The following ATP9B variants were observed in gnomAD, a reference collection of about 807,000 sequenced individuals.
The protein encoded by ATP9B is probable phospholipid-transporting ATPase IIB.
Under a neutral mutation model 146.1 loss-of-function variants are expected in ATP9B, and 110 were observed. The observed-to-expected ratio is 0.75, with a 90% CI of 0.65 to 0.88. The LOEUF (loss-of-function observed/expected upper bound fraction) is 0.88, where lower values mean the gene tolerates loss of function less well. Ranked by LOEUF, ATP9B falls within the 40% of genes least tolerant of loss-of-function variation. ATP9B has a pLI of 0.00. For synonymous variants in ATP9B, 604 were observed against 569.7 expected, an observed-to-expected ratio of 1.06 and a Z score of -0.86; for missense variants, 1,499 against 1,496.4, an observed-to-expected ratio of 1.00 and a Z score of -0.03.
At chr18:79,122,489 A>G (rs1440158020) in intron 4 of ATP9B, among the ~76,000 whole-genome samples, 1 of 152,194 alleles carries the variant, frequency 6.6e-6, no homozygotes, top group Non-Finnish European at 1.5e-5. Flanking sequence ...AACCAGTGAC[A>G]TCTTTGAATC....
intron 13 of ATP9B, among the ~76,000 whole-genome samples, chr18:79,285,264 A>G (rs1303557838): frequency 2.0e-5 from 3 of 151,738 alleles, no homozygotes; most frequent in African/African-American, 4.8e-5. Context: ...CTATTTCTCC[A>G]CATCCTCTCC....
At chr18:79,144,823 T>C (rs1006979386) in intron 6 of ATP9B, 1 of 152,852 alleles carries the variant, frequency 6.5e-6, no homozygotes, top group Non-Finnish European at 1.5e-5. Flanking sequence ...GAGGGCCAGC[T>C]GTAGTTATAT....
At chr18:79,246,338 A>T (rs373737260) in intron 11 of ATP9B, among the ~76,000 whole-genome samples, 1,812 of 119,848 alleles carry the variant, frequency 0.015, 22 homozygotes, top group African/African-American at 0.05. Flanking sequence ...CGCCCTACTG[A>T]CTGTGCGGAG....
intron 2 of ATP9B, among the ~76,000 whole-genome samples, chr18:79,097,868 T>C (rs899178466): frequency 2.1e-4 from 31 of 150,066 alleles, no homozygotes; most frequent in Admixed American, 5.3e-4. Flanking sequence ...GCAGCATGAT[T>C]TATAGTCATT....
chr18:79,217,568 T>A (rs1176534802), intron 11 of ATP9B, among the ~76,000 whole-genome samples: 2 of 152,230 alleles, frequency 1.3e-5, no homozygotes, highest in Non-Finnish European at 2.9e-5. Context: ...TGTTAAATGC[T>A]AGTTTTACAA....
chr18:79,242,339 G>T (rs562431839), intron 11 of ATP9B, among the ~76,000 whole-genome samples: 238 of 152,310 alleles, frequency 1.6e-3, no homozygotes, highest in Non-Finnish European at 2.9e-3. Context: ...AGAACAAGAA[G>T]AATATCCTGA....
chr18:79,321,534 C>T (rs985231054), intron 15 of ATP9B, among the ~76,000 whole-genome samples: 4 of 152,124 alleles, frequency 2.6e-5, no homozygotes, highest in Non-Finnish European at 5.9e-5. Flanking sequence ...AGGCATGTGC[C>T]CACCACTCCT....
In ATP9B at chr18:79,289,679, A is replaced by G. The variant is rs183511072; in HGVS notation, c.1411+12483A>G. ...CGGAACTGTGTTCCTTTGGAGGAGG[A>G]GAGGCGCTCTGCTTTTTAGAGTTTG... On this transcript the variant is annotated intron_variant, in intron 13 of 29. Coordinates refer to ENST00000426216, the MANE Select transcript of ATP9B (RefSeq NM_198531.5). Among the ~76,000 whole-genome samples, 167 of 152,260 alleles carry G rather than the reference A, an allele frequency of 1.1e-3. 2 individuals are homozygous for G. The highest frequency in any genetic ancestry group is 3.8e-3 in the African/African-American group (156 of 41,552).
intron 5 of ATP9B, among the ~76,000 whole-genome samples, chr18:79,136,610 C>G (rs1028609004): frequency 6.6e-6 from 1 of 152,134 alleles, no homozygotes; most frequent in Admixed American, 6.6e-5. Context: ...GTGACACATT[C>G]ATTGATGTTT....
chr18:79,079,621 CT>C (rs1242134411), intron 1 of ATP9B, among the ~76,000 whole-genome samples: 9 of 152,088 alleles, frequency 5.9e-5, no homozygotes, highest in South Asian at 2.1e-4. Flanking sequence ...ATGGTAGTTT[CT>C]TTTGCTGAGC....
chr18:79,262,891 T>C (rs1205345151), intron 12 of ATP9B, among the ~76,000 whole-genome samples: 1 of 152,248 alleles, frequency 6.6e-6, no homozygotes, highest in Non-Finnish European at 1.5e-5. Context: ...AGTTTTTATA[T>C]TGGCTTAGAA....
intron 6 of ATP9B, among the ~76,000 whole-genome samples, chr18:79,148,404 A>C (rs1214743020): frequency 1.3e-5 from 2 of 152,210 alleles, no homozygotes; most frequent in African/African-American, 2.4e-5. Context: ...AATACATCAC[A>C]ACCCAGTACA....
At chr18:79,124,351 CAA>C (rs2094244427) in intron 4 of ATP9B, among the ~76,000 whole-genome samples, 1 of 152,180 alleles carries the variant, frequency 6.6e-6, no homozygotes, top group Non-Finnish European at 1.5e-5. Context: ...TATATATCAA[CAA>C]AGCTATTATC....
At chr18:79,227,263 T>A (rs904710367) in intron 11 of ATP9B, among the ~76,000 whole-genome samples, 1 of 151,878 alleles carries the variant, frequency 6.6e-6, no homozygotes, top group Admixed American at 6.6e-5. Context: ...TGGCTCTGGG[T>A]TCCTTTTAGC....
At chr18:79,178,842 T>A (rs1275404984) in intron 8 of ATP9B, among the ~76,000 whole-genome samples, 2 of 152,206 alleles carry the variant, frequency 1.3e-5, no homozygotes, top group East Asian at 3.8e-4. Flanking sequence ...TTTAATGTCT[T>A]TAGTTTGATA....
At chr18:79,107,746 A>G (rs2075749703) in intron 2 of ATP9B, among the ~76,000 whole-genome samples, 1 of 152,202 alleles carries the variant, frequency 6.6e-6, no homozygotes, top group South Asian at 2.1e-4. Flanking sequence ...CTGTGGTGCC[A>G]TGCCTGGGCT....
rs547758201 is a variant in ATP9B, at chr18:79,222,314, G to A, written c.1107+8276G>A. Among the ~76,000 whole-genome samples the A allele has an allele frequency of 3.2e-4, 49 of 151,570 alleles. 1 individual carries two copies. The highest frequency in any genetic ancestry group is 2.4e-3 in the Admixed American group (36 of 15,242). On this transcript the variant is annotated intron_variant, in intron 11 of 29. Coordinates refer to ENST00000426216, the MANE Select transcript of ATP9B (RefSeq NM_198531.5). ...GTGGAGGTTGCAGTGAGCCGAGACC[G>A]CACCACTGCACTCCAGCCTGGGCAA...
intron 15 of ATP9B, among the ~76,000 whole-genome samples, chr18:79,316,634 G>A (rs1040369959): frequency 2.6e-5 from 4 of 152,158 alleles, no homozygotes; most frequent in South Asian, 2.1e-4. Context: ...CAGCCCCACC[G>A]CAGCGCAGCC....
rs188260407 is a variant in ATP9B at position 79,333,860 on chromosome 18, A to G, written c.2029-2768A>G. On this transcript the variant is annotated intron_variant, in intron 17 of 29. Transcript: ENST00000426216. ...TACCACTGATTTCTCTGTATTGTCA[A>G]CCCCAGTGTCAGAGACAGGAGCTTT... Among the ~76,000 whole-genome samples, 436 of 152,270 alleles carry G rather than the reference A, an allele frequency of 2.9e-3. 2 individuals are homozygous for G. Among genetic ancestry groups the G allele is most frequent in the African/African-American group, 1.0e-2 (415 of 41,556 alleles).
Sources: gnomAD v4.1 joint callset for allele counts (sites outside exome capture counted in the v4.1 genomes callset) on GRCh38, gnomAD v4.1.1 for gene constraint, MANE v1.5 for transcripts, NCBI Gene and HGNC (gene_info 2026-07-23, HGNC 2026-07-21) for gene names.